The following ANGEL1 variants were observed in gnomAD, a reference collection of about 807,000 sequenced individuals.
ANGEL1 encodes RNA 2',3'-cyclic phosphatase ANGEL1.
A neutral mutation model predicts 76.4 loss-of-function variants in ANGEL1; 62 were observed. The observed-to-expected ratio is 0.81, with a 90% confidence interval of 0.66 to 1.00. The LOEUF is 1.00. ANGEL1 is among the 50% of genes least tolerant of loss of function. The pLI is 0.00. For missense variants in ANGEL1, 737 were observed against 836.7 expected, an observed-to-expected ratio of 0.88 and a Z score of 1.47; for synonymous variants, 340 against 331.7, an observed-to-expected ratio of 1.03 and a Z score of -0.27.
Position 76,803,888 on chromosome 14 carries a change from G to A in ANGEL1, c.1405C>T (p.His469Tyr), listed in dbSNP as rs950319735. The A allele has an allele frequency of 3.0e-5, 49 of 1,614,186 alleles. No homozygotes were observed. Among genetic ancestry groups the A allele is most frequent in the Non-Finnish European group, 4.2e-5 (49 of 1,180,036 alleles). The change falls in exon 6 of 10, where the codon CAT becomes TAT. Residue 469 changes from histidine to tyrosine, a missense_variant. By Grantham distance (83) the His-to-Tyr change is moderately conservative (BLOSUM62 2). Around this residue, in one of 2 missense-constraint regions of ANGEL1, gnomAD observed 296 missense variants for 387.2 expected, o/e 0.76. Coordinates refer to ENST00000251089, the MANE Select transcript of ANGEL1 (RefSeq NM_015305.4). ...TGCAGCTTCCTCTGGTAAAGCTGAT[G>A]GGAGAAGTCTTCCTGTCCAGATACC... is the stretch of plus-strand genomic sequence containing the variant. ...WKVSGQEDFS[H>Y]QLYQRKLQAP...
chr14:76,807,369 TC>T (rs1401989113), intron 4 of ANGEL1, 63 bp downstream of exon 4: 14 of 1,504,628 alleles, frequency 9.3e-6, no homozygotes, highest in Non-Finnish European at 1.2e-5. Flanking sequence ...GATGGGGTCT[TC>T]AGGAGAGAGT....
chr14:76,806,381 T>C, intron 5 of ANGEL1, 35 bp downstream of exon 5: 2 of 1,585,524 alleles, frequency 1.3e-6, no homozygotes, highest in Non-Finnish European at 1.7e-6. Flanking sequence ...TCTTAGACCA[T>C]GTTCCCACCC....
In ANGEL1 at chr14:76,805,067, A is replaced by G. The variant is rs556807264; in HGVS notation, c.1381-1155T>C. Among the ~76,000 whole-genome samples the G allele has an allele frequency of 5.5e-4, 84 of 152,128 alleles. 2 individuals carry two copies. The Middle Eastern group carries it at 0.01, about 18-fold the overall frequency. Reference sequence around the variant, plus strand: ...AATAAATAAATAAAATGGGATAATAATACCATGTACAATTAAGAATCTTAA... The same window carrying G: ...AATAAATAAATAAAATGGGATAATAGTACCATGTACAATTAAGAATCTTAA... On this transcript the variant is annotated intron_variant, in intron 5 of 9. Transcript: ENST00000251089.
intron 7 of ANGEL1, among the ~76,000 whole-genome samples, chr14:76,793,378 G>A (rs1441080946): frequency 1.1e-5 from 1 of 88,570 alleles, no homozygotes; most frequent in Non-Finnish European, 2.4e-5. Flanking sequence ...AGAGGGGAAA[G>A]AGGAGAGGGG....
chr14:76,793,851 CAATAAT>C (rs377081685), intron 7 of ANGEL1, among the ~76,000 whole-genome samples: 1 of 151,784 alleles, frequency 6.6e-6, no homozygotes, highest in African/African-American at 2.4e-5. Context: ...AAAAGATTAA[CAATAAT>C]AATAAAATAG....
rs1894327745 is a variant in ANGEL1, at chr14:76,789,285, G to A, written c.1956C>T (p.Cys652=). 8 of 1,614,128 alleles carry A rather than the reference G, an allele frequency of 5.0e-6. No individual in the cohort carries two copies. Among genetic ancestry groups the A allele is most frequent in the African/African-American group, 4.0e-5 (3 of 74,938 alleles). ...WAANGLPNPF[C]SSDHLCLLAS... ...CTAGCAGGCAGAGGTGGTCTGAAGA[G>A]CAGAAGGGGTTGGGTAAGCCATTGG... The change falls in exon 10 of 10, where the codon TGC becomes TGT. Residue 652 remains cysteine (C), a synonymous_variant. Transcript: ENST00000251089.
chr14:76,805,475 A>G (rs1442329493), intron 5 of ANGEL1, among the ~76,000 whole-genome samples: 3 of 152,242 alleles, frequency 2.0e-5, no homozygotes, highest in Non-Finnish European at 4.4e-5. Context: ...ACAGTAATAC[A>G]ATCGTTTTGT....
Position 76,812,830 on chromosome 14 carries a change from C to A in ANGEL1, c.-3G>T, listed in dbSNP as rs1460952730. The A allele has an allele frequency of 6.6e-6, 10 of 1,510,612 alleles. No homozygotes were observed. The highest frequency in any genetic ancestry group is 2.9e-5 in the African/African-American group (2 of 69,742). 93.6% of individuals were successfully genotyped at this position (1,510,612 alleles called of 1,614,324 possible). On this transcript the variant is annotated 5_prime_UTR_variant, in exon 1 of 10. Coordinates refer to ENST00000251089, the MANE Select transcript of ANGEL1 (RefSeq NM_015305.4). ...TAACACAAGCACGACGCGATCATGG[C>A]CGGCCGCCCGCGCCCGCCTCCGCTC...
chr14:76,804,266 A>G, intron 5 of ANGEL1: 2 of 1,332,146 alleles, frequency 1.5e-6, no homozygotes. Context: ...TGCAATGGTT[A>G]AAGGTTTATC....
In ANGEL1 at chr14:76,804,293, C is replaced by T. The variant is rs182429995; in HGVS notation, c.1381-381G>A. On this transcript the variant is annotated intron_variant, in intron 5 of 9. Coordinates refer to ENST00000251089, the MANE Select transcript of ANGEL1 (RefSeq NM_015305.4). Reference sequence around the variant, plus strand: ...AGGTTTATCCTCATCTTTGGATCTTCTGGATCAAGGTCTAATATCCTGAAC... The same window carrying T: ...AGGTTTATCCTCATCTTTGGATCTTTTGGATCAAGGTCTAATATCCTGAAC... The T allele has an allele frequency of 3.0e-5, 37 of 1,231,446 alleles. 1 individual carries two copies. In the Admixed American group the frequency reaches 8.2e-4, roughly 27 times the overall value. The allele number at this position is 1,231,446 out of a possible 1,614,324, so 76.3% of individuals were successfully genotyped here.
At chr14:76,808,818 T>C (rs963802860) in intron 2 of ANGEL1, among the ~76,000 whole-genome samples, 8 of 152,208 alleles carry the variant, frequency 5.3e-5, no homozygotes, top group Non-Finnish European at 1.0e-4. Context: ...TTCCCCTACC[T>C]GGCTTTATGA....
At chr14:76,789,481 AGGCTGCATCCCCTT>A in intron 9 of ANGEL1, 93 bp from the exon 10 acceptor site, 1 of 1,471,408 alleles carries the variant, frequency 6.8e-7, no homozygotes, top group Non-Finnish European at 9.3e-7. Context: ...CGCCTTCTGC[AGGCTGCATCCCCTT>A]GGCTGCCCAC....
Position 76,788,890 on chromosome 14 carries a change from TA to T in ANGEL1, c.*337del. The T allele has an allele frequency of 4.2e-6, 1 of 238,404 alleles. No individual in the cohort carries two copies. Among genetic ancestry groups the T allele is most frequent in the Non-Finnish European group, 8.1e-6 (1 of 122,884 alleles). The allele number at this position is 238,404 out of a possible 1,614,324, so 14.8% of individuals were successfully genotyped here. A position where few individuals can be genotyped will look rare whatever the true frequency, so the allele number is the denominator to read the frequency against. ...CATCAAGAAACGGCCTGAAAGCAAA[TA>T]ACCAATGAAATCAAGAACTCCCATA... On this transcript the variant is annotated 3_prime_UTR_variant, in exon 10 of 10. Coordinates refer to ENST00000251089, the MANE Select transcript of ANGEL1 (RefSeq NM_015305.4).
rs755855868 is a variant in ANGEL1, at chr14:76,812,879, C to T, written c.-52G>A. 1 of 1,465,722 alleles carries T rather than the reference C, an allele frequency of 6.8e-7. No homozygotes were observed. The highest frequency in any genetic ancestry group is 1.3e-5 in the South Asian group (1 of 75,294). The allele number at this position is 1,465,722 out of a possible 1,614,324, so 90.8% of individuals were successfully genotyped here. The stretch of plus-strand genomic sequence containing the variant: ...TCCTCACTGCAGCCAGCAGGTCCTC[C>T]CTCAGCTCGGCCCCGCCCCCGGCCC... On this transcript the variant is annotated 5_prime_UTR_variant, in exon 1 of 10. Transcript: ENST00000251089.
Position 76,803,914 on chromosome 14 carries a change from T to A in ANGEL1, c.1381-2A>T, listed in dbSNP as rs749226881. 6.2e-7 allele frequency: 1 copy of A among 1,614,054 alleles called. No individual in the cohort carries two copies. The highest frequency in any genetic ancestry group is 8.5e-7 in the Non-Finnish European group (1 of 1,180,014). ...GGAGAAGTCTTCCTGTCCAGATACCTGGGTGGAAAAAGAAGGGTGGGAATA... is the reference window on the plus strand; with the variant it reads ...GGAGAAGTCTTCCTGTCCAGATACCAGGGTGGAAAAAGAAGGGTGGGAATA... On this transcript the variant is annotated splice_acceptor_variant, in intron 5 of 9. Coordinates refer to ENST00000251089, the MANE Select transcript of ANGEL1 (RefSeq NM_015305.4). LOFTEE classifies it high-confidence loss of function.
At position 76,788,802 on chromosome 14, in the gene ANGEL1, T is replaced by A. The variant is rs1441649978; in HGVS notation, c.*426A>T. The A allele has an allele frequency of 5.7e-6, 1 of 174,206 alleles. No individual in the cohort carries two copies. The highest frequency in any genetic ancestry group is 1.2e-5 in the Non-Finnish European group (1 of 81,786). 10.8% of individuals were successfully genotyped at this position (174,206 alleles called of 1,614,324 possible). On this transcript the variant is annotated 3_prime_UTR_variant, in exon 10 of 10. Coordinates refer to ENST00000251089, the MANE Select transcript of ANGEL1 (RefSeq NM_015305.4). Reference sequence around the variant, plus strand: ...ATGATATGCATATCTCACATATGCATGCCTGGCAAGAGGGCTGGGCCCAGA... The same window carrying A: ...ATGATATGCATATCTCACATATGCAAGCCTGGCAAGAGGGCTGGGCCCAGA...
chr14:76,791,164 A>C (rs1272905664), intron 8 of ANGEL1, 133 bp downstream of exon 8: 1 of 984,642 alleles, frequency 1.0e-6, no homozygotes, highest in Non-Finnish European at 1.6e-6. Context: ...CTATAAGTTT[A>C]GCAGATATTA....
intron 1 of ANGEL1, chr14:76,810,064 T>C (rs1266957146): frequency 2.6e-6 from 1 of 388,956 alleles, no homozygotes; most frequent in Admixed American, 2.9e-5. Context: ...GGTTATGATC[T>C]AGCACCAAAA....
chr14:76,790,520 G>A (rs1318584526), intron 9 of ANGEL1, 91 bp downstream of exon 9: 1 of 1,519,804 alleles, frequency 6.6e-7, no homozygotes, highest in Non-Finnish European at 8.8e-7. Context: ...TTAAATCCCA[G>A]CAGCTGAAGA....
Sources: allele counts gnomAD v4.1 joint callset (sites outside exome capture counted in the v4.1 genomes callset), GRCh38; gene constraint gnomAD v4.1.1; regional missense constraint gnomAD v4.1.1; transcripts MANE v1.5; gene names NCBI Gene and HGNC (gene_info 2026-07-23, HGNC 2026-07-21).